The following MSI2 variants were observed in gnomAD, a reference collection of about 807,000 sequenced individuals.
MSI2 encodes RNA-binding protein Musashi homolog 2.
MSI2 carries 17 observed loss-of-function variants against 45.6 expected under a neutral mutation model. The observed-to-expected ratio is 0.37, with a 90% CI of 0.26 to 0.56. The LOEUF (loss-of-function observed/expected upper bound fraction) is 0.56. MSI2 is among the 20% of genes least tolerant of loss of function. The pLI, the probability that MSI2 is intolerant of heterozygous loss-of-function variation, is 0.77. For missense variants in MSI2, 293 were observed against 444.2 expected, an observed-to-expected ratio of 0.66 and a Z score of 3.06; for synonymous variants, 156 against 158.2, an observed-to-expected ratio of 0.99 and a Z score of 0.11.
chr17:57,564,109 CCTGG>C (rs2144266885), intron 7 of MSI2, among the ~76,000 whole-genome samples: 1 of 152,326 alleles, frequency 6.6e-6, no homozygotes, highest in South Asian at 2.1e-4. Context: ...CCCCCATGTC[CCTGG>C]CTGCCCATCC....
chr17:57,322,762 C>T (rs978117167), intron 5 of MSI2, among the ~76,000 whole-genome samples: 1 of 152,206 alleles, frequency 6.6e-6, no homozygotes, highest in African/African-American at 2.4e-5. Context: ...CAGACAGCTT[C>T]TCAGAGCCTC....
intron 5 of MSI2, among the ~76,000 whole-genome samples, chr17:57,297,726 C>G (rs1413065483): frequency 6.6e-6 from 1 of 152,178 alleles, no homozygotes; most frequent in Admixed American, 6.5e-5. Flanking sequence ...CCTCTCAAAC[C>G]CTGCAGCTGC....
intron 7 of MSI2, among the ~76,000 whole-genome samples, chr17:57,593,228 G>T (rs568131808): frequency 2.0e-5 from 3 of 152,296 alleles, no homozygotes; most frequent in South Asian, 4.1e-4. Flanking sequence ...CAGCCCCCCT[G>T]TGTGGGATAT....
At chr17:57,581,469 C>T (rs540046731) in intron 7 of MSI2, among the ~76,000 whole-genome samples, 5 of 152,334 alleles carry the variant, frequency 3.3e-5, no homozygotes, top group African/African-American at 1.2e-4. Flanking sequence ...TTTCACTCAT[C>T]TGTCTTAAAA....
intron 5 of MSI2, among the ~76,000 whole-genome samples, chr17:57,331,438 C>T (rs1914265566): frequency 6.6e-6 from 1 of 152,060 alleles, no homozygotes; most frequent in Non-Finnish European, 1.5e-5. Flanking sequence ...TGGAGGAGAG[C>T]AGAGATATCA....
At chr17:57,376,002 T>C (rs1471192967) in intron 5 of MSI2, among the ~76,000 whole-genome samples, 2 of 152,122 alleles carry the variant, frequency 1.3e-5, no homozygotes, top group East Asian at 3.9e-4. Flanking sequence ...GATATGTGGG[T>C]TCCCTTATCT....
intron 5 of MSI2, among the ~76,000 whole-genome samples, chr17:57,371,946 A>AAT (rs1328344838): frequency 6.6e-6 from 1 of 151,362 alleles, no homozygotes; most frequent in African/African-American, 2.4e-5. Flanking sequence ...AAAAATTTGT[A>AAT]ATATATATAC....
chr17:57,514,899 C>T (rs1054439877), intron 6 of MSI2, among the ~76,000 whole-genome samples: 1 of 152,074 alleles, frequency 6.6e-6, no homozygotes, highest in Non-Finnish European at 1.5e-5. Context: ...ATCTATCAGG[C>T]ACCATGGGTA....
chr17:57,663,711 T>G (rs889746930), intron 11 of MSI2, among the ~76,000 whole-genome samples: 3 of 152,164 alleles, frequency 2.0e-5, no homozygotes, highest in Non-Finnish European at 4.4e-5. Context: ...TGTCCTTCTG[T>G]GTTTTCTGGC....
At chr17:57,443,839 C>T (rs1358951212) in intron 6 of MSI2, among the ~76,000 whole-genome samples, 2 of 152,156 alleles carry the variant, frequency 1.3e-5, no homozygotes, top group Admixed American at 6.5e-5. Context: ...AGGGTGAGCA[C>T]CCAGGGCAAC....
intron 5 of MSI2, among the ~76,000 whole-genome samples, chr17:57,290,102 G>T (rs1051937812): frequency 1.7e-4 from 26 of 152,166 alleles, no homozygotes; most frequent in Non-Finnish European, 7.4e-5. Flanking sequence ...TGCCCAGCCA[G>T]TTATAGAGGT....
intron 4 of MSI2, among the ~76,000 whole-genome samples, chr17:57,260,909 A>G (rs1446093571): frequency 2.8e-5 from 4 of 141,034 alleles, no homozygotes; most frequent in Non-Finnish European, 6.0e-5. Flanking sequence ...CCTCCACAGC[A>G]TTACTCTTTT....
At chr17:57,333,592 CA>C (rs920860798) in intron 5 of MSI2, among the ~76,000 whole-genome samples, 5 of 152,022 alleles carry the variant, frequency 3.3e-5, no homozygotes, top group Non-Finnish European at 5.9e-5. Flanking sequence ...TGTGTGCCAC[CA>C]CACCTAGCTA....
intron 10 of MSI2, among the ~76,000 whole-genome samples, chr17:57,637,070 C>T (rs1909891805): frequency 1.3e-5 from 2 of 152,220 alleles, no homozygotes; most frequent in South Asian, 4.1e-4. Context: ...GCCCTTGAGC[C>T]TCGTCTCTGG....
At chr17:57,676,289 C>T (rs1913230255) in intron 12 of MSI2, among the ~76,000 whole-genome samples, 2 of 152,200 alleles carry the variant, frequency 1.3e-5, no homozygotes, top group South Asian at 2.1e-4. Context: ...CACACGCACA[C>T]ACAGGCGCAC....
intron 5 of MSI2, among the ~76,000 whole-genome samples, chr17:57,298,714 A>G (rs1306237086): frequency 6.6e-6 from 1 of 152,242 alleles, no homozygotes; most frequent in East Asian, 1.9e-4. Flanking sequence ...TTTATAGAGC[A>G]CAGGCAGAGT....
At position 57,627,578 on chromosome 17, in the gene MSI2, T is replaced by C; in HGVS notation, c.727+275T>C. 2.0e-6 allele frequency: 1 copy of C among 503,484 alleles called. No individual in the cohort carries two copies. The highest frequency in any genetic ancestry group is 3.5e-6 in the Non-Finnish European group (1 of 283,376). 31.2% of individuals were successfully genotyped at this position (503,484 alleles called of 1,614,324 possible). On this transcript the variant is annotated intron_variant, in intron 10 of 13. Coordinates refer to ENST00000284073, the MANE Select transcript of MSI2 (RefSeq NM_138962.4). This position sits in a 1 kb window ranked among gnomAD's most constrained non-coding sequence, Gnocchi z 4.6. ...GGCAGGAGGCCTCCCTGTGCTCACC[T>C]CCTTTTTCTGAAGCCTCTTCCGGGT...
chr17:57,283,437 G>A (rs1472157439), intron 5 of MSI2, among the ~76,000 whole-genome samples: 1 of 152,130 alleles, frequency 6.6e-6, no homozygotes, highest in Admixed American at 6.5e-5. Context: ...TGATTTGTCT[G>A]TTATAATCGG....
chr17:57,669,249 A>G (rs1912595854), intron 11 of MSI2, among the ~76,000 whole-genome samples: 1 of 152,224 alleles, frequency 6.6e-6, no homozygotes, highest in Non-Finnish European at 1.5e-5. Context: ...TCTGTTCCCC[A>G]GGAAGGCCTT....
Sources: allele counts gnomAD v4.1 joint callset (sites outside exome capture counted in the v4.1 genomes callset), GRCh38; gene constraint gnomAD v4.1.1; non-coding constraint Gnocchi (gnomAD v3.1); transcripts MANE v1.5; gene names NCBI Gene and HGNC (gene_info 2026-07-23, HGNC 2026-07-21).